Variants in GPR39 observed in about 807,000 individuals in gnomAD.
GPR39 encodes G protein-coupled receptor 39.
A neutral mutation model predicts 18.4 loss-of-function variants in GPR39; 23 were observed. The observed-to-expected ratio is 1.25, with a 90% CI of 0.90 to 1.77. The LOEUF is 1.77. Among genes scored for constraint, GPR39 ranks in the 40% most tolerant of loss-of-function variants. GPR39 has a pLI of 0.00. For missense variants in GPR39, 647 were observed against 602.4 expected (o/e 1.07, Z -0.78); for synonymous variants, 280 against 257.9 (o/e 1.09, Z -0.82).
chr2:132,538,176 C>T (rs955684085), intron 1 of GPR39, among the ~76,000 whole-genome samples: 7 of 152,168 alleles, frequency 4.6e-5, no homozygotes, highest in African/African-American at 1.7e-4. Flanking sequence ...TCCTCATCAT[C>T]ATGGATTTAT....
At position 132,645,709 on chromosome 2, in the gene GPR39, G is replaced by A. The variant is rs1682031712; in HGVS notation, c.*103G>A. The A allele has an allele frequency of 2.1e-6, 3 of 1,441,948 alleles. No individual in the cohort carries two copies. Among genetic ancestry groups the A allele is most frequent in the Non-Finnish European group, 2.8e-6 (3 of 1,075,790 alleles). 89.3% of individuals were successfully genotyped at this position (1,441,948 alleles called of 1,614,324 possible). ...ACTATGCCCCCATCAGGGATGGAAT[G>A]GACACTGGAGGCTTTACAAAAGGCA... On this transcript the variant is annotated 3_prime_UTR_variant, in exon 2 of 2. Coordinates refer to ENST00000329321, the MANE Select transcript of GPR39 (RefSeq NM_001508.3).
At position 132,645,267 on chromosome 2, in the gene GPR39, G is replaced by C. The variant is rs752733973; in HGVS notation, c.1023G>C (p.Pro341=). Residue 341 remains proline, a synonymous_variant, in exon 2 of 2, where the codon CCG becomes CCC. Coordinates refer to ENST00000329321, the MANE Select transcript of GPR39 (RefSeq NM_001508.3). ...TFFYLSSVIN[P]LLYTVSSQQF... ...TCTACCTCAGCTCGGTCATCAACCCGCTCCTGTACACGGTGTCCTCGCAGC... is the reference window on the plus strand; with the variant it reads ...TCTACCTCAGCTCGGTCATCAACCCCCTCCTGTACACGGTGTCCTCGCAGC... The C allele has an allele frequency of 6.2e-7, 1 of 1,614,074 alleles. No individual in the cohort carries two copies. The highest frequency in any genetic ancestry group is 1.7e-5 in the Admixed American group (1 of 60,024).
At chr2:132,637,672 A>G (rs576945272) in intron 1 of GPR39, among the ~76,000 whole-genome samples, 1 of 152,360 alleles carries the variant, frequency 6.6e-6, no homozygotes, top group Admixed American at 6.5e-5. Context: ...AAAGTTTCCA[A>G]GAAAGTCCTA....
At chr2:132,462,627 A>C (rs1029606253) in intron 1 of GPR39, among the ~76,000 whole-genome samples, 3 of 152,082 alleles carry the variant, frequency 2.0e-5, no homozygotes, top group Non-Finnish European at 4.4e-5. Flanking sequence ...ATTTTTTTTA[A>C]ACACTCTGGC....
chr2:132,635,719 A>T (rs1414865620), intron 1 of GPR39, among the ~76,000 whole-genome samples: 1 of 152,192 alleles, frequency 6.6e-6, no homozygotes, highest in African/African-American at 2.4e-5. Flanking sequence ...GTCCCTCTCA[A>T]GTCATACATT....
intron 1 of GPR39, among the ~76,000 whole-genome samples, chr2:132,478,328 T>C (rs1681168632): frequency 1.3e-5 from 2 of 152,328 alleles, no homozygotes; most frequent in African/African-American, 4.8e-5. Flanking sequence ...TCTTGGTAAA[T>C]GTTTGTTGAA....
rs769017569 is a variant in GPR39, at chr2:132,645,356, AG to A, written c.1113del (p.Lys372SerfsTer39). The A allele has an allele frequency of 3.1e-6, 5 of 1,614,102 alleles. No homozygotes were observed. In the South Asian group the frequency reaches 5.5e-5, roughly 18 times the overall value. On this transcript the variant is annotated frameshift_variant, in exon 2 of 2. Coordinates refer to ENST00000329321, the MANE Select transcript of GPR39 (RefSeq NM_001508.3). LOFTEE classifies it low-confidence loss of function (END_TRUNC). ...CRLSLQHANH[E>X]KRLRVHAHST... The stretch of plus-strand genomic sequence containing the variant: ...CTGTCGCTGCAGCACGCCAACCACG[AG>A]AAGCGCCTGCGCGTACATGCGCACT...
At chr2:132,510,995 T>C (rs532087898) in intron 1 of GPR39, among the ~76,000 whole-genome samples, 7 of 152,320 alleles carry the variant, frequency 4.6e-5, no homozygotes, top group African/African-American at 1.7e-4. Context: ...TTATCCAAAA[T>C]GTATTATTTG....
At chr2:132,544,714 T>G (rs944797008) in intron 1 of GPR39, among the ~76,000 whole-genome samples, 2 of 152,204 alleles carry the variant, frequency 1.3e-5, no homozygotes, top group African/African-American at 4.8e-5. Flanking sequence ...CTGTGTTCAG[T>G]GGTCCCTGAG....
At chr2:132,461,315 C>T (rs1250318665) in intron 1 of GPR39, among the ~76,000 whole-genome samples, 1 of 152,176 alleles carries the variant, frequency 6.6e-6, no homozygotes, top group Non-Finnish European at 1.5e-5. Context: ...TCTGTGTTAC[C>T]ACCGGCAGTT....
intron 1 of GPR39, among the ~76,000 whole-genome samples, chr2:132,468,412 T>G (rs748822076): frequency 5.9e-5 from 9 of 152,088 alleles, no homozygotes; most frequent in Admixed American, 1.3e-4. Context: ...CACCTGAAAT[T>G]TACCTATATG....
intron 1 of GPR39, among the ~76,000 whole-genome samples, chr2:132,444,100 A>G (rs1431504589): frequency 6.6e-6 from 1 of 152,132 alleles, no homozygotes; most frequent in Non-Finnish European, 1.5e-5. Flanking sequence ...ATGAAGGTGT[A>G]TTTGTCAGGG....
chr2:132,545,785 G>A lies in GPR39; in HGVS notation c.857-99316G>A, dbSNP rs549725837. On this transcript the variant is annotated intron_variant, in intron 1 of 1. Transcript: ENST00000329321. The stretch of plus-strand genomic sequence containing the variant: ...CAGAATCAGATCAGTCAGTCTGGGG[G>A]CAGGCCTGGGATTCTGCATTTCTAA... Among the ~76,000 whole-genome samples, 47 of 152,252 alleles carry A rather than the reference G, an allele frequency of 3.1e-4. 1 individual carries two copies. The Middle Eastern group carries it at 0.01, about 33-fold the overall frequency.
chr2:132,425,293 G>A (rs1398516125), intron 1 of GPR39, among the ~76,000 whole-genome samples: 3 of 152,122 alleles, frequency 2.0e-5, no homozygotes, highest in African/African-American at 7.2e-5. Context: ...GATGTCTCTC[G>A]ACTATATTGG....
At position 132,433,169 on chromosome 2, in the gene GPR39, C is replaced by T. The variant is rs10192273; in HGVS notation, c.856+15271C>T. On this transcript the variant is annotated intron_variant, in intron 1 of 1. Transcript: ENST00000329321. ...ATTATTTACTATCATAAAATATACA[C>T]AAATCTTTTATAAAACCTTAAAATT... 1.0e-3 allele frequency among the ~76,000 whole-genome samples: 159 copies of T among 152,080 alleles called. 2 individuals carry two copies. In the South Asian group the frequency reaches 0.016, roughly 16 times the overall value.
At chr2:132,516,050 C>T (rs909286893) in intron 1 of GPR39, among the ~76,000 whole-genome samples, 6 of 152,130 alleles carry the variant, frequency 3.9e-5, no homozygotes, top group East Asian at 1.9e-4. Context: ...CAGTGACTGA[C>T]GGAAAGATCT....
At chr2:132,612,847 A>G (rs1681259821) in intron 1 of GPR39, among the ~76,000 whole-genome samples, 1 of 152,222 alleles carries the variant, frequency 6.6e-6, no homozygotes, top group Non-Finnish European at 1.5e-5. Context: ...GTAAATGTCT[A>G]CAAAATATGT....
chr2:132,529,528 G>C (rs181754336), intron 1 of GPR39, among the ~76,000 whole-genome samples: 6 of 152,346 alleles, frequency 3.9e-5, no homozygotes, highest in Admixed American at 3.9e-4. Flanking sequence ...CACGCAGCTT[G>C]AGATCTGAGA....
At chr2:132,448,073 T>C (rs1014000038) in intron 1 of GPR39, among the ~76,000 whole-genome samples, 1 of 152,062 alleles carries the variant, frequency 6.6e-6, no homozygotes, top group Non-Finnish European at 1.5e-5. Flanking sequence ...TTAGAATTGG[T>C]GGAAATAGCA....
Sources: allele counts gnomAD v4.1 joint callset (sites outside exome capture counted in the v4.1 genomes callset), GRCh38; gene constraint gnomAD v4.1.1; transcripts MANE v1.5; gene names NCBI Gene and HGNC (gene_info 2026-07-23, HGNC 2026-07-21).